Variants in DENND11 observed in about 807,000 individuals in gnomAD.
DENND11 encodes the protein DENN domain containing 11.
DENND11 carries 34 observed loss-of-function variants against 49.2 expected under a neutral mutation model. That is an observed-to-expected ratio of 0.69 (90% CI 0.53 to 0.92). The LOEUF is 0.92. Ranked by LOEUF, DENND11 falls within the 40% of genes least tolerant of loss-of-function variation. The pLI is 0.00. For synonymous variants in DENND11, 238 were observed against 230.3 expected, an observed-to-expected ratio of 1.03 and a Z score of -0.30; for missense variants, 475 against 581.6, an observed-to-expected ratio of 0.82 and a Z score of 1.88.
chr7:141,683,021 G>C (rs1798172429), intron 3 of DENND11, among the ~76,000 whole-genome samples: 1 of 149,064 alleles, frequency 6.7e-6, no homozygotes, highest in African/African-American at 2.5e-5. Context: ...ATTTTCCACA[G>C]CTCCAAAAGG....
rs36080710 is a variant in DENND11 at position 141,687,631 on chromosome 7, AT to A, written c.269-974del. Among the ~76,000 whole-genome samples the A allele has an allele frequency of 6.8e-3, 772 of 112,788 alleles. 4 individuals are homozygous for A. The highest frequency in any genetic ancestry group is 0.019 in the African/African-American group (576 of 30,428). The allele number at this position is 112,788 out of a possible 152,430, so 74.0% of individuals were successfully genotyped here. A position where few individuals can be genotyped will look rare whatever the true frequency, so the allele number is the denominator to read the frequency against. ...AGGCGCATACCAGCACACTCGGCTA[AT>A]TTTTTTTTTTTTTTTTTTTGAGACA... On this transcript the variant is annotated intron_variant, in intron 1 of 8. Coordinates refer to ENST00000536163, the MANE Select transcript of DENND11 (RefSeq NM_001080392.2).
chr7:141,666,611 C>T (rs1797900059), intron 4 of DENND11, among the ~76,000 whole-genome samples, 186 bp from the exon 5 acceptor site: 1 of 152,128 alleles, frequency 6.6e-6, no homozygotes, highest in Admixed American at 6.5e-5. Context: ...AACTGGATTT[C>T]TATAATACAA....
intron 2 of DENND11, 47 bp downstream of exon 2, chr7:141,686,512 A>G (rs1241937158): frequency 1.7e-6 from 2 of 1,208,322 alleles, no homozygotes; most frequent in Non-Finnish European, 2.4e-6. Flanking sequence ...GAAAGTGTGG[A>G]GGTGGGGGGA....
chr7:141,679,392 T>C (rs943095094), intron 3 of DENND11, among the ~76,000 whole-genome samples: 10 of 151,720 alleles, frequency 6.6e-5, no homozygotes, highest in Non-Finnish European at 1.5e-4. Context: ...AAAGAAAAAA[T>C]TTCCCTATTG....
At chr7:141,671,478 T>C (rs932950486) in intron 4 of DENND11, among the ~76,000 whole-genome samples, 10 of 152,254 alleles carry the variant, frequency 6.6e-5, no homozygotes, top group South Asian at 2.1e-4. Flanking sequence ...TGCCTGGCCG[T>C]TTTTTATTTT....
chr7:141,678,102 C>T (rs950802682), intron 3 of DENND11, among the ~76,000 whole-genome samples: 32 of 152,132 alleles, frequency 2.1e-4, no homozygotes, highest in African/African-American at 7.2e-4. Context: ...GCTGGGACTA[C>T]AGGTGCACAC....
intron 3 of DENND11, among the ~76,000 whole-genome samples, chr7:141,678,644 T>C (rs1798104231): frequency 6.6e-6 from 1 of 152,220 alleles, no homozygotes; most frequent in Non-Finnish European, 1.5e-5. Context: ...TCCCACCTCA[T>C]AACATTTCAT....
intron 1 of DENND11, among the ~76,000 whole-genome samples, chr7:141,701,194 C>G (rs539443512): frequency 2.5e-4 from 38 of 152,172 alleles, no homozygotes; most frequent in African/African-American, 8.7e-4. Context: ...CAAGCATCTC[C>G]GAAAGACAGC....
chr7:141,699,906 A>G (rs1798478015), intron 1 of DENND11, among the ~76,000 whole-genome samples: 1 of 151,342 alleles, frequency 6.6e-6, no homozygotes, highest in African/African-American at 2.5e-5. Context: ...CTTAGTCTGA[A>G]AACCATCACT....
chr7:141,664,543 A>G (rs114608850), intron 7 of DENND11, among the ~76,000 whole-genome samples: 2 of 152,330 alleles, frequency 1.3e-5, no homozygotes, highest in East Asian at 1.9e-4. Flanking sequence ...GCAAGCTTCT[A>G]ATACGGCGAC....
At chr7:141,694,297 A>T (rs4584068) in intron 1 of DENND11, among the ~76,000 whole-genome samples, 1 of 152,188 alleles carries the variant, frequency 6.6e-6, no homozygotes, top group African/African-American at 2.4e-5. Flanking sequence ...AAGAGACAGG[A>T]TTGCCCAGGC....
Position 141,679,512 on chromosome 7 carries a change from AGACCACTCT to A in DENND11, c.528-5301_528-5293del, listed in dbSNP as rs1798115233. Among the ~76,000 whole-genome samples the A allele has an allele frequency of 3.3e-5, 5 of 152,276 alleles. No homozygotes were observed. In the South Asian group the frequency reaches 1.0e-3, roughly 32 times the overall value. On this transcript the variant is annotated intron_variant, in intron 3 of 8. Coordinates refer to ENST00000536163, the MANE Select transcript of DENND11 (RefSeq NM_001080392.2). The stretch of plus-strand genomic sequence containing the variant: ...TAGATCACCCAAGGTCGGGAGTTAG[AGACCACTCT>A]GACCAACATGGAGAAACCCCACCTC...
intron 3 of DENND11, among the ~76,000 whole-genome samples, chr7:141,674,532 G>A (rs564799269): frequency 6.6e-6 from 1 of 152,152 alleles, no homozygotes; most frequent in Admixed American, 6.5e-5. Context: ...TCTTGAGCAA[G>A]GTACGCCGGA....
intron 1 of DENND11, among the ~76,000 whole-genome samples, chr7:141,693,038 G>C (rs1047158093): frequency 1.3e-5 from 2 of 152,102 alleles, no homozygotes; most frequent in South Asian, 4.1e-4. Context: ...TAAAACTTCT[G>C]ATCTATGAGA....
intron 4 of DENND11, among the ~76,000 whole-genome samples, chr7:141,667,764 C>G (rs1009150288): frequency 6.6e-6 from 1 of 152,210 alleles, no homozygotes; most frequent in Non-Finnish European, 1.5e-5. Context: ...CAGGGCTGTC[C>G]TGGACCCTCC....
chr7:141,681,552 T>C (rs563258830), intron 3 of DENND11, among the ~76,000 whole-genome samples: 1 of 152,214 alleles, frequency 6.6e-6, no homozygotes, highest in South Asian at 2.1e-4. Context: ...GAGAAAGGGA[T>C]GGGCCAAAAA....
chr7:141,693,164 A>G (rs771131618), intron 1 of DENND11, among the ~76,000 whole-genome samples: 17 of 152,242 alleles, frequency 1.1e-4, no homozygotes, highest in Non-Finnish European at 2.2e-4. Flanking sequence ...AAACTCAACA[A>G]TAAGAAAACA....
At chr7:141,688,793 T>C (rs1798282870) in intron 1 of DENND11, among the ~76,000 whole-genome samples, 1 of 151,802 alleles carries the variant, frequency 6.6e-6, no homozygotes, top group South Asian at 2.1e-4. Context: ...ATCACCATCT[T>C]CCCTGCCCTG....
rs548665816 is a variant in DENND11 at position 141,682,316 on chromosome 7, A to G, written c.527+3162T>C. ...TGGATACCTGAGTGGCCAGAGGGGC[A>G]AACTGAAGCAGAAGCTGCTAACTTT... is the stretch of plus-strand genomic sequence containing the variant. On this transcript the variant is annotated intron_variant, in intron 3 of 8. Transcript: ENST00000536163. Among the ~76,000 whole-genome samples, 6 of 152,314 alleles carry G rather than the reference A, an allele frequency of 3.9e-5. No individual in the cohort carries two copies. The East Asian group carries it at 5.8e-4, about 15-fold the overall frequency.
Sources: allele counts gnomAD v4.1 joint callset (sites outside exome capture counted in the v4.1 genomes callset), GRCh38; gene constraint gnomAD v4.1.1; transcripts MANE v1.5; gene names NCBI Gene and HGNC (gene_info 2026-07-23, HGNC 2026-07-21).